Variants in MSRA observed in about 807,000 individuals in gnomAD.
MSRA encodes methionine sulfoxide reductase A, also known as mitochondrial peptide methionine sulfoxide reductase.
A neutral mutation model predicts 31.3 loss-of-function variants in MSRA; 54 were observed. The observed-to-expected ratio is 1.73, with a 90% CI of 1.39 to 2.17. MSRA has a LOEUF of 2.17. Ranked by LOEUF, MSRA falls within the 30% of genes most tolerant of loss-of-function variation. MSRA has a pLI of 0.00. For missense variants in MSRA, 507 were observed against 300.9 expected (o/e 1.69, Z -5.07); for synonymous variants, 169 against 116.5 (o/e 1.45, Z -2.90).
chr8:10,405,173 G>C (rs889111219), intron 5 of MSRA, among the ~76,000 whole-genome samples: 2 of 152,198 alleles, frequency 1.3e-5, no homozygotes, highest in Non-Finnish European at 2.9e-5. Context: ...CAGTGACCAT[G>C]TGCCAGGTCA....
chr8:10,367,457 G>T (rs897635168), intron 5 of MSRA, among the ~76,000 whole-genome samples: 4 of 152,168 alleles, frequency 2.6e-5, no homozygotes, highest in African/African-American at 9.7e-5. Context: ...CATCCACCGG[G>T]GGTCTTGGAA....
chr8:10,186,232 C>T (rs1807040890), intron 1 of MSRA, among the ~76,000 whole-genome samples: 1 of 152,120 alleles, frequency 6.6e-6, no homozygotes, highest in East Asian at 1.9e-4. Flanking sequence ...CTCTTCTCAT[C>T]CCTGTTCTAG....
chr8:10,231,863 A>G (rs1413471237), intron 2 of MSRA, among the ~76,000 whole-genome samples: 7 of 152,212 alleles, frequency 4.6e-5, no homozygotes, highest in Admixed American at 3.9e-4. Flanking sequence ...AGATTGCATC[A>G]CTGCACTCCA....
chr8:10,089,531 C>G (rs932368383), intron 1 of MSRA, among the ~76,000 whole-genome samples: 1 of 152,100 alleles, frequency 6.6e-6, no homozygotes, highest in Non-Finnish European at 1.5e-5. Flanking sequence ...AAGGACATGG[C>G]TAGGAGGGGA....
intron 2 of MSRA, among the ~76,000 whole-genome samples, chr8:10,220,692 G>A (rs1810410274): frequency 1.3e-5 from 2 of 152,136 alleles, no homozygotes; most frequent in Non-Finnish European, 2.9e-5. Flanking sequence ...GGGAGCCTGC[G>A]TCCATCTTTC....
intron 4 of MSRA, among the ~76,000 whole-genome samples, chr8:10,306,011 G>T (rs985413629): frequency 6.6e-6 from 1 of 152,158 alleles, no homozygotes; most frequent in Non-Finnish European, 1.5e-5. Context: ...TTCTATTCTG[G>T]CCTTCTTTCT....
chr8:10,410,865 C>T (rs1371105691), intron 5 of MSRA, among the ~76,000 whole-genome samples: 1 of 152,188 alleles, frequency 6.6e-6, no homozygotes, highest in South Asian at 2.1e-4. Flanking sequence ...AGCTTATGTT[C>T]TTGAGGGAGT....
Position 10,319,980 on chromosome 8 carries a change from C to G in MSRA, c.534C>G (p.Asn178Lys). 2 of 1,597,196 alleles carry G rather than the reference C, an allele frequency of 1.3e-6. No individual in the cohort carries two copies. Among genetic ancestry groups the G allele is most frequent in the Non-Finnish European group, 1.7e-6 (2 of 1,171,864 alleles). The change falls in exon 5 of 6, where the codon AAC becomes AAG. Residue 178 changes from asparagine to lysine, a missense_variant. Physicochemically the swap from Asn to Lys is moderately conservative, Grantham distance 94. Coordinates refer to ENST00000317173, the MANE Select transcript of MSRA (RefSeq NM_012331.5). ...AGGCAGCCCTGAGCTCCAAAGAGAA[C>G]TACCAAAAGGTAGGGATTGCTGGGC... ...QMEAALSSKENYQKVLSEHGF... is the reference protein window; with the variant it reads ...QMEAALSSKEKYQKVLSEHGF...
intron 3 of MSRA, among the ~76,000 whole-genome samples, chr8:10,249,679 A>G (rs535072603): frequency 6.6e-6 from 1 of 152,138 alleles, no homozygotes; most frequent in Non-Finnish European, 1.5e-5. Context: ...ACAGGGTAGC[A>G]TCTCTCATGG....
rs1282294987 is a variant in MSRA, at chr8:10,310,641, A to C, written c.436+9003A>C. On this transcript the variant is annotated intron_variant, in intron 4 of 5. Coordinates refer to ENST00000317173, the MANE Select transcript of MSRA (RefSeq NM_012331.5). The stretch of plus-strand genomic sequence containing the variant: ...ATTTGCTCCTTAAAGCAACCTATGA[A>C]CCTTAGACCCATTTTGTAGAGGAAC... Among the ~76,000 whole-genome samples, 5 of 152,204 alleles carry C rather than the reference A, an allele frequency of 3.3e-5. No individual in the cohort carries two copies. The East Asian group carries it at 9.6e-4, about 29-fold the overall frequency.
At chr8:10,131,531 A>G (rs1246808616) in intron 1 of MSRA, among the ~76,000 whole-genome samples, 1 of 152,230 alleles carries the variant, frequency 6.6e-6, no homozygotes, top group Non-Finnish European at 1.5e-5. Context: ...TCGTAGGTGT[A>G]CACTCCTGAC....
At chr8:10,092,276 A>C (rs1291224459) in intron 1 of MSRA, among the ~76,000 whole-genome samples, 2 of 152,238 alleles carry the variant, frequency 1.3e-5, no homozygotes, top group African/African-American at 4.8e-5. Flanking sequence ...GTTGGAAAAC[A>C]CACTTTGACT....
At chr8:10,153,775 C>T (rs1049724502) in intron 1 of MSRA, among the ~76,000 whole-genome samples, 1 of 152,138 alleles carries the variant, frequency 6.6e-6, no homozygotes, top group Non-Finnish European at 1.5e-5. Context: ...GGAAGCCGTG[C>T]AACAGCTTCA....
At chr8:10,291,707 G>A (rs1210066443) in intron 3 of MSRA, among the ~76,000 whole-genome samples, 2 of 152,042 alleles carry the variant, frequency 1.3e-5, no homozygotes, top group Admixed American at 1.3e-4. Context: ...GGATCATTCT[G>A]TGTGCTCTTT....
chr8:10,262,025 C>T (rs181622932), intron 3 of MSRA, among the ~76,000 whole-genome samples: 74 of 152,328 alleles, frequency 4.9e-4, no homozygotes, highest in Non-Finnish European at 7.3e-4. Flanking sequence ...ATGTATTTAA[C>T]GGTACTCCAT....
intron 1 of MSRA, among the ~76,000 whole-genome samples, chr8:10,171,521 C>G (rs574890130): frequency 6.6e-6 from 1 of 152,302 alleles, no homozygotes; most frequent in Non-Finnish European, 1.5e-5. Flanking sequence ...CATCAAGTAA[C>G]TGTTACTACT....
intron 1 of MSRA, among the ~76,000 whole-genome samples, chr8:10,142,016 T>C (rs1348608848): frequency 2.0e-5 from 3 of 152,214 alleles, no homozygotes; most frequent in African/African-American, 7.2e-5. Flanking sequence ...TGGAGTGCAA[T>C]GGCGCGATCT....
At chr8:10,114,215 A>G (rs991697884) in intron 1 of MSRA, among the ~76,000 whole-genome samples, 1 of 152,178 alleles carries the variant, frequency 6.6e-6, no homozygotes, top group East Asian at 1.9e-4. Flanking sequence ...TTTATCCATC[A>G]TCAGTTGGTG....
intron 1 of MSRA, among the ~76,000 whole-genome samples, chr8:10,129,633 G>A (rs1801753462): frequency 6.6e-6 from 1 of 152,086 alleles, no homozygotes. Flanking sequence ...GTTGGACTGT[G>A]CAGATCAGAA....
Sources: gnomAD v4.1 joint callset for allele counts (sites outside exome capture counted in the v4.1 genomes callset) on GRCh38, gnomAD v4.1.1 for gene constraint, MANE v1.5 for transcripts, NCBI Gene and HGNC (gene_info 2026-07-23, HGNC 2026-07-21) for gene names.